The following DDX24 variants were observed in gnomAD, a reference collection of about 807,000 sequenced individuals.
The protein encoded by DDX24 is DEAD-box helicase 24, also known as ATP-dependent RNA helicase DDX24.
A neutral mutation model predicts 68.9 loss-of-function variants in DDX24; 24 were observed. The ratio of observed to expected loss-of-function variants is 0.35; its 90% CI spans 0.25 to 0.49. The LOEUF (loss-of-function observed/expected upper bound fraction) is 0.49, where lower values mean the gene tolerates loss of function less well. Among genes scored for constraint, DDX24 ranks in the 20% least tolerant of loss-of-function variants. DDX24 has a pLI of 0.99. For missense variants in DDX24, 989 were observed against 1,039.0 expected (o/e 0.95, Z 0.66); for synonymous variants, 395 against 385.2 (o/e 1.03, Z -0.30).
intron 6 of DDX24, chr14:94,057,150 T>C (rs1405265557): frequency 6.6e-6 from 1 of 152,184 alleles, no homozygotes; most frequent in Non-Finnish European, 1.5e-5. Flanking sequence ...ACTAAATAAC[T>C]TGCCTAAAGC....
Position 94,060,204 on chromosome 14 carries a change from G to A in DDX24, c.1807C>T (p.Leu603Phe). The change falls in exon 5 of 9, where the codon CTC becomes TTC. Residue 603 changes from leucine to phenylalanine, a missense_variant. Leu to Phe is a conservative substitution (Grantham distance 22). Around this residue, in one of 3 missense-constraint regions of DDX24, gnomAD observed 691 missense variants for 760.0 expected, o/e 0.91. Transcript: ENST00000621632. ...TCAAGGACTTTGAGGAGCCCAGAGA[G>A]GCGTTTGATGCAGGAGATACTGTTG... is the stretch of plus-strand genomic sequence containing the variant. ...FANSISCIKR[L>F]SGLLKVLDIM... The A allele has an allele frequency of 6.2e-7, 1 of 1,614,202 alleles. No homozygotes were observed. Among genetic ancestry groups the A allele is most frequent in the Non-Finnish European group, 8.5e-7 (1 of 1,180,050 alleles).
chr14:94,059,059 C>T (rs769417781), intron 5 of DDX24, among the ~76,000 whole-genome samples: 1 of 152,122 alleles, frequency 6.6e-6, no homozygotes, highest in Admixed American at 6.5e-5. Context: ...CATAGCAAGA[C>T]CCCATCTTAG....
intron 1 of DDX24, 124 bp from the exon 2 acceptor site, chr14:94,079,871 A>T: frequency 1.2e-6 from 1 of 851,256 alleles, no homozygotes; most frequent in Admixed American, 2.3e-5. Flanking sequence ...GCTATCACAC[A>T]GTTGCTCCCA....
intron 2 of DDX24, among the ~76,000 whole-genome samples, chr14:94,066,337 C>T (rs1232347272): frequency 1.3e-5 from 2 of 152,186 alleles, no homozygotes; most frequent in Admixed American, 6.5e-5. Flanking sequence ...ACACCCACAA[C>T]AAGACCCACC....
rs548202896 is a variant in DDX24, at chr14:94,050,683, T to C, written c.*508A>G. On this transcript the variant is annotated 3_prime_UTR_variant, in exon 9 of 9. Coordinates refer to ENST00000621632, the MANE Select transcript of DDX24 (RefSeq NM_020414.4). Reference sequence around the variant, plus strand: ...GAGAGTGGAGAGAGCTAAGGAGCTATTAGGGTGCTGCTCTGGGTAAAGCAG... The same window carrying C: ...GAGAGTGGAGAGAGCTAAGGAGCTACTAGGGTGCTGCTCTGGGTAAAGCAG... The C allele has an allele frequency of 3.3e-5, 5 of 153,068 alleles. No homozygotes were observed. The highest frequency in any genetic ancestry group is 2.6e-4 in the Admixed American group (4 of 15,332). 9.5% of individuals were successfully genotyped at this position (153,068 alleles called of 1,614,324 possible).
chr14:94,076,155 T>C (rs1242396496), intron 2 of DDX24, among the ~76,000 whole-genome samples: 1 of 152,184 alleles, frequency 6.6e-6, no homozygotes, highest in Non-Finnish European at 1.5e-5. Context: ...ACTGGTACAA[T>C]AGTATTTACA....
At chr14:94,063,938 C>T (rs796485599) in intron 2 of DDX24, among the ~76,000 whole-genome samples, 13 of 152,132 alleles carry the variant, frequency 8.5e-5, no homozygotes, top group African/African-American at 3.1e-4. Flanking sequence ...CCTTATTTTT[C>T]TTATTTAAAC....
At chr14:94,074,871 G>A (rs1218289695) in intron 2 of DDX24, among the ~76,000 whole-genome samples, 1 of 151,974 alleles carries the variant, frequency 6.6e-6, no homozygotes, top group African/African-American at 2.4e-5. Context: ...ACTTATTGGC[G>A]ACAAACAATC....
chr14:94,073,444 C>T (rs930016011), intron 2 of DDX24, among the ~76,000 whole-genome samples: 3 of 152,046 alleles, frequency 2.0e-5, no homozygotes, highest in Admixed American at 6.6e-5. Flanking sequence ...CATTTATATG[C>T]TGCCTATAAG....
intron 2 of DDX24, among the ~76,000 whole-genome samples, chr14:94,074,078 A>G (rs1223472014): frequency 6.6e-6 from 1 of 152,054 alleles, no homozygotes; most frequent in African/African-American, 2.4e-5. Flanking sequence ...AGTAACACAA[A>G]TATCTCTAAT....
At chr14:94,065,052 A>C (rs1394000603) in intron 2 of DDX24, among the ~76,000 whole-genome samples, 1 of 117,010 alleles carries the variant, frequency 8.5e-6, no homozygotes, top group Non-Finnish European at 1.6e-5. Flanking sequence ...TGGGTAGAAA[A>C]TCTTTTTTTT....
chr14:94,060,464 G>A lies in DDX24; in HGVS notation c.1547C>T (p.Ala516Val), dbSNP rs778430303. ...FSATLTLVHQ[A>V]PARILHKKHT... ...CTTCTTATGAAGGATTCGAGCAGGAGCCTGATGCACCAGGGTGAGTGTGGC... is the reference window on the plus strand; with the variant it reads ...CTTCTTATGAAGGATTCGAGCAGGAACCTGATGCACCAGGGTGAGTGTGGC... The change falls in exon 5 of 9, where the codon GCT becomes GTT. Residue 516 changes from alanine to valine, a missense_variant. Ala to Val is a moderately conservative substitution (Grantham distance 64). This residue lies in a region of DDX24 where 691 missense variants were observed against 760.0 expected (regional missense o/e 0.91). Coordinates refer to ENST00000621632, the MANE Select transcript of DDX24 (RefSeq NM_020414.4). 2.5e-6 allele frequency: 4 copies of A among 1,614,146 alleles called. No individual in the cohort carries two copies. In the East Asian group the frequency reaches 8.9e-5, roughly 36 times the overall value.
chr14:94,066,970 T>G (rs1885719174), intron 2 of DDX24, among the ~76,000 whole-genome samples: 1 of 152,096 alleles, frequency 6.6e-6, no homozygotes, highest in Admixed American at 6.5e-5. Context: ...TCACCAGCAA[T>G]GGATCCAAAC....
At position 94,075,568 on chromosome 14, in the gene DDX24, G is replaced by A. The variant is rs552539394; in HGVS notation, c.718+3457C>T. The stretch of plus-strand genomic sequence containing the variant: ...AACACTTCTAGAACAAAACACAGGA[G>A]AAATCTTTGTGATCTTGAATTAGGC... On this transcript the variant is annotated intron_variant, in intron 2 of 8. Coordinates refer to ENST00000621632, the MANE Select transcript of DDX24 (RefSeq NM_020414.4). Among the ~76,000 whole-genome samples the A allele has an allele frequency of 2.6e-5, 4 of 152,244 alleles. No individual in the cohort carries two copies. In the East Asian group the frequency reaches 7.7e-4, roughly 29 times the overall value.
chr14:94,060,031 C>A (rs756784525), intron 5 of DDX24, 67 bp downstream of exon 5: 71 of 1,509,552 alleles, frequency 4.7e-5, no homozygotes, highest in Non-Finnish European at 5.3e-6. Flanking sequence ...CATTTCCCCA[C>A]CATCCTGACC....
At chr14:94,067,053 G>C (rs528977141) in intron 2 of DDX24, among the ~76,000 whole-genome samples, 1 of 152,266 alleles carries the variant, frequency 6.6e-6, no homozygotes, top group African/African-American at 2.4e-5. Context: ...GGAGGGACCA[G>C]AGAAAGATAA....
At position 94,057,871 on chromosome 14, in the gene DDX24, G is replaced by A. The variant is rs1407524978; in HGVS notation, c.1940C>T (p.Ala647Val). The A allele has an allele frequency of 1.9e-6, 3 of 1,613,798 alleles. No homozygotes were observed. Among genetic ancestry groups the A allele is most frequent in the Non-Finnish European group, 2.5e-6 (3 of 1,179,938 alleles). Reference protein sequence around the residue: ...EDCVLLATDVAARGLDIPKVQ... With the variant: ...EDCVLLATDVVARGLDIPKVQ... Reference sequence around the variant, plus strand: ...TTTAGGAATATCCAGACCCCGAGCTGCCACATCTGTTGCCAAGAGAACACA... The same window carrying A: ...TTTAGGAATATCCAGACCCCGAGCTACCACATCTGTTGCCAAGAGAACACA... Residue 647 changes from alanine to valine, a missense_variant, in exon 6 of 9, where the codon GCA (alanine) becomes GTA (valine). Ala to Val is a moderately conservative substitution (Grantham distance 64). Transcript: ENST00000621632.
chr14:94,063,599 A>G (rs1440494297), intron 2 of DDX24, among the ~76,000 whole-genome samples: 1 of 152,274 alleles, frequency 6.6e-6, no homozygotes, highest in Non-Finnish European at 1.5e-5. Flanking sequence ...AATAAAGAGC[A>G]ACCGAAACAG....
chr14:94,079,830 G>A (rs1490373110), intron 1 of DDX24, 83 bp from the exon 2 acceptor site: 3 of 1,289,628 alleles, frequency 2.3e-6, no homozygotes, highest in African/African-American at 1.5e-5. Context: ...TAAGCAACTA[G>A]GCCCTACAAA....
Sources: gnomAD v4.1 joint callset for allele counts (sites outside exome capture counted in the v4.1 genomes callset) on GRCh38, gnomAD v4.1.1 for gene constraint, gnomAD v4.1.1 regional missense constraint, MANE v1.5 for transcripts, NCBI Gene and HGNC (gene_info 2026-07-23, HGNC 2026-07-21) for gene names.